Variants in NMNAT2 observed in about 807,000 individuals in gnomAD.
NMNAT2 encodes nicotinamide/nicotinic acid mononucleotide adenylyltransferase 2.
Under a neutral mutation model 41.6 loss-of-function variants are expected in NMNAT2, and 11 were observed. That is an observed-to-expected ratio of 0.26 (90% CI 0.17 to 0.44). The LOEUF (loss-of-function observed/expected upper bound fraction) is 0.44, where lower values mean the gene tolerates loss of function less well. Among genes scored for constraint, NMNAT2 ranks in the 20% least tolerant of loss-of-function variants. The pLI is 1.00. For synonymous variants in NMNAT2, 148 were observed against 151.2 expected (o/e 0.98, Z 0.16); for missense variants, 288 against 407.7 (o/e 0.71, Z 2.53).
intron 1 of NMNAT2, among the ~76,000 whole-genome samples, chr1:183,345,525 G>A (rs1662908051): frequency 6.6e-6 from 1 of 151,964 alleles, no homozygotes; most frequent in African/African-American, 2.4e-5. Flanking sequence ...TATAAGAAGG[G>A]GAAGAGAGAC....
At position 183,326,193 on chromosome 1, in the gene NMNAT2, T is replaced by C. The variant is rs148697457; in HGVS notation, c.86-32400A>G. 8.3e-3 allele frequency among the ~76,000 whole-genome samples: 1,262 copies of C among 151,808 alleles called. 20 individuals carry two copies. The highest frequency in any genetic ancestry group is 0.028 in the African/African-American group (1,159 of 41,374). Reference sequence around the variant, plus strand: ...GAGTTCAAGACCAGCCTGGCCAACATGGAGAAACCCTGCCTGTACTAAAAA... The same window carrying C: ...GAGTTCAAGACCAGCCTGGCCAACACGGAGAAACCCTGCCTGTACTAAAAA... On this transcript the variant is annotated intron_variant, in intron 1 of 10. Transcript: ENST00000287713.
intron 1 of NMNAT2, among the ~76,000 whole-genome samples, chr1:183,367,906 C>T (rs895857171): frequency 6.6e-6 from 1 of 152,126 alleles, no homozygotes; most frequent in Non-Finnish European, 1.5e-5. Flanking sequence ...CAAAGCTATT[C>T]AGAATGAGGT....
At chr1:183,371,324 G>T (rs1175325550) in intron 1 of NMNAT2, among the ~76,000 whole-genome samples, 1 of 152,182 alleles carries the variant, frequency 6.6e-6, no homozygotes, top group East Asian at 1.9e-4. Context: ...GGGGAGGGAA[G>T]GATGGGCAGG....
intron 1 of NMNAT2, among the ~76,000 whole-genome samples, chr1:183,401,821 A>T (rs1481812103): frequency 6.6e-6 from 1 of 151,918 alleles, no homozygotes. Context: ...AAGGACAGGA[A>T]ACCAAACACC....
intron 1 of NMNAT2, among the ~76,000 whole-genome samples, chr1:183,414,685 G>A (rs1649208323): frequency 6.6e-6 from 1 of 152,106 alleles, no homozygotes; most frequent in African/African-American, 2.4e-5. Context: ...TTTCCTGTAT[G>A]TTTCTATAGT....
chr1:183,303,418 G>A (rs1231348120), intron 1 of NMNAT2, among the ~76,000 whole-genome samples: 1 of 152,202 alleles, frequency 6.6e-6, no homozygotes, highest in Admixed American at 6.5e-5. Flanking sequence ...TAAGTTGTTA[G>A]GTGATATAAT....
chr1:183,294,076 AAGCGCCTCATT>A (rs1661617003), intron 1 of NMNAT2, among the ~76,000 whole-genome samples: 1 of 152,226 alleles, frequency 6.6e-6, no homozygotes, highest in Non-Finnish European at 1.5e-5. Flanking sequence ...GATTTAAAAC[AAGCGCCTCATT>A]AGCAGCCATT....
chr1:183,398,190 G>A (rs1196859592), intron 1 of NMNAT2, among the ~76,000 whole-genome samples: 1 of 152,124 alleles, frequency 6.6e-6, no homozygotes, highest in East Asian at 1.9e-4. Flanking sequence ...GACACACATA[G>A]GCTCAAAATA....
At chr1:183,338,080 A>G (rs1662713321) in intron 1 of NMNAT2, among the ~76,000 whole-genome samples, 1 of 149,736 alleles carries the variant, frequency 6.7e-6, no homozygotes, top group Admixed American at 6.7e-5. Flanking sequence ...CTGCATCTGT[A>G]GTCCTAGCTA....
chr1:183,335,692 A>G (rs970150442), intron 1 of NMNAT2, among the ~76,000 whole-genome samples: 2 of 152,208 alleles, frequency 1.3e-5, no homozygotes, highest in African/African-American at 4.8e-5. Context: ...CACATTGCGC[A>G]TACTCCTTTT....
chr1:183,406,975 C>T (rs1648974329), intron 1 of NMNAT2, among the ~76,000 whole-genome samples: 1 of 152,078 alleles, frequency 6.6e-6, no homozygotes. Flanking sequence ...CATGCCACCA[C>T]ACCTGGCTAA....
chr1:183,258,175 G>T (rs902436261), intron 10 of NMNAT2, among the ~76,000 whole-genome samples: 1 of 152,134 alleles, frequency 6.6e-6, no homozygotes, highest in African/African-American at 2.4e-5. Flanking sequence ...CTTCTGCACA[G>T]TTTTTTTCCA....
chr1:183,387,031 A>T (rs1648267746), intron 1 of NMNAT2, among the ~76,000 whole-genome samples: 1 of 151,970 alleles, frequency 6.6e-6, no homozygotes, highest in African/African-American at 2.4e-5. Flanking sequence ...GCCTGTGATT[A>T]GTTTGAAGAA....
Position 183,304,766 on chromosome 1 carries a change from A to G in NMNAT2, c.86-10973T>C, listed in dbSNP as rs201082158. 1.9e-6 allele frequency: 3 copies of G among 1,613,606 alleles called. No homozygotes were observed. The South Asian group carries it at 3.3e-5, about 18-fold the overall frequency. On this transcript the variant is annotated intron_variant, in intron 1 of 10. Coordinates refer to ENST00000287713, the MANE Select transcript of NMNAT2 (RefSeq NM_015039.4). Reference sequence around the variant, plus strand: ...TATTTGTCTGGTTTTTGCAGCCACTACTTGCAGCCCTGTGCTGGCCATCAG... The same window carrying G: ...TATTTGTCTGGTTTTTGCAGCCACTGCTTGCAGCCCTGTGCTGGCCATCAG...
chr1:183,328,377 G>A (rs540429750), intron 1 of NMNAT2, among the ~76,000 whole-genome samples: 1 of 152,188 alleles, frequency 6.6e-6, no homozygotes, highest in African/African-American at 2.4e-5. Flanking sequence ...AGCCTCTCTG[G>A]TGCTACATGT....
At chr1:183,300,286 C>T (rs975895695) in intron 1 of NMNAT2, among the ~76,000 whole-genome samples, 1 of 152,058 alleles carries the variant, frequency 6.6e-6, no homozygotes, top group Non-Finnish European at 1.5e-5. Context: ...CCTGTAGTCC[C>T]AGCTACTTGG....
intron 10 of NMNAT2, among the ~76,000 whole-genome samples, chr1:183,257,788 T>G (rs1019075404): frequency 4.3e-5 from 6 of 141,076 alleles, no homozygotes; most frequent in Admixed American, 6.8e-5. Context: ...TCAATTTTGT[T>G]TTTTTTTTTC....
At chr1:183,401,449 AC>A (rs1648805524) in intron 1 of NMNAT2, among the ~76,000 whole-genome samples, 1 of 152,178 alleles carries the variant, frequency 6.6e-6, no homozygotes, top group Non-Finnish European at 1.5e-5. Context: ...AAATAGGAAA[AC>A]TTTTACACTG....
chr1:183,357,654 C>T (rs1380579099), intron 1 of NMNAT2, among the ~76,000 whole-genome samples: 7 of 152,298 alleles, frequency 4.6e-5, no homozygotes, highest in East Asian at 3.9e-4. Flanking sequence ...TCCACAACCT[C>T]GCCAACATCT....
Sources: gnomAD v4.1 joint callset for allele counts (sites outside exome capture counted in the v4.1 genomes callset) on GRCh38, gnomAD v4.1.1 for gene constraint, MANE v1.5 for transcripts, NCBI Gene and HGNC (gene_info 2026-07-23, HGNC 2026-07-21) for gene names.